USP24: variants seen among roughly 807,000 people sequenced by gnomAD.
The protein encoded by USP24 is ubiquitin specific peptidase 24, also known as ubiquitin carboxyl-terminal hydrolase 24.
In USP24, 97 loss-of-function variants were observed where a neutral mutation model predicts 361.6. The observed-to-expected ratio is 0.27, with a 90% CI of 0.23 to 0.32. The LOEUF (loss-of-function observed/expected upper bound fraction) is 0.32. USP24 is among the 10% of genes least tolerant of loss of function. USP24 has a pLI of 1.00. For synonymous variants in USP24, 1,098 were observed against 1,124.6 expected, an observed-to-expected ratio of 0.98 and a Z score of 0.47; for missense variants, 2,353 against 3,165.6, an observed-to-expected ratio of 0.74 and a Z score of 6.16.
intron 55 of USP24, among the ~76,000 whole-genome samples, chr1:55,087,449 T>C (rs1406779813): frequency 2.0e-5 from 3 of 152,242 alleles, no homozygotes; most frequent in Non-Finnish European, 4.4e-5. Flanking sequence ...ATATTTGCCA[T>C]GTTCCTTCCA....
chr1:55,201,600 C>CAAAAAAAAAAA (rs56659823), intron 1 of USP24, among the ~76,000 whole-genome samples: 2 of 35,460 alleles, frequency 5.6e-5, no homozygotes, highest in Admixed American at 4.7e-4. Context: ...GACTCCATCT[C>CAAAAAAAAAAA]AAAAAAAAAA....
chr1:55,182,145 G>A (rs376101433), intron 1 of USP24, among the ~76,000 whole-genome samples: 41 of 152,302 alleles, frequency 2.7e-4, no homozygotes, highest in South Asian at 1.0e-3. Flanking sequence ...TCCGCTTCCC[G>A]GGTTCAAGCG....
intron 1 of USP24, among the ~76,000 whole-genome samples, chr1:55,185,407 A>G (rs56364118): frequency 0.014 from 2,192 of 151,948 alleles, 65 homozygotes; most frequent in African/African-American, 0.051. Context: ...GAGTAGAAAT[A>G]AATAAATTTA....
chr1:55,184,354 G>T (rs1165644174), intron 1 of USP24, among the ~76,000 whole-genome samples: 1 of 152,124 alleles, frequency 6.6e-6, no homozygotes, highest in Non-Finnish European at 1.5e-5. Context: ...ACCACACCCA[G>T]CCAGGAAAGG....
chr1:55,157,235 T>G, intron 11 of USP24, 21 bp downstream of exon 11: 1 of 1,536,738 alleles, frequency 6.5e-7, no homozygotes, highest in Non-Finnish European at 8.9e-7. Context: ...TAGGTAATTT[T>G]TATTTTTGAA....
intron 28 of USP24, 107 bp from the exon 29 acceptor site, chr1:55,134,520 C>A: frequency 2.1e-6 from 2 of 961,438 alleles, no homozygotes; most frequent in South Asian, 1.5e-5. Context: ...GCTGGCTGGT[C>A]ACTGTAAAGC....
At chr1:55,122,644 T>C (rs1018689261) in intron 36 of USP24, among the ~76,000 whole-genome samples, 4 of 151,896 alleles carry the variant, frequency 2.6e-5, no homozygotes, top group Non-Finnish European at 4.4e-5. Flanking sequence ...AAAGGGGTGT[T>C]AAGGGGTAGA....
rs532936025 is a variant in USP24, at chr1:55,214,513, T to C, written c.324+277A>G. 1.6e-4 allele frequency among the ~76,000 whole-genome samples: 25 copies of C among 152,018 alleles called. No individual in the cohort carries two copies. The South Asian group carries it at 4.4e-3, about 27-fold the overall frequency. Reference sequence around the variant, plus strand: ...TCGTCGGCGTGCATAGCCGGAAGCCTAAGGGACCCCTCCTCACCCCAACCC... The same window carrying C: ...TCGTCGGCGTGCATAGCCGGAAGCCCAAGGGACCCCTCCTCACCCCAACCC... On this transcript the variant is annotated intron_variant, in intron 1 of 67. Coordinates refer to ENST00000294383, the MANE Select transcript of USP24 (RefSeq NM_015306.3).
At position 55,184,081 on chromosome 1, in the gene USP24, G is replaced by A. The variant is rs1214725975; in HGVS notation, c.325-5949C>T. 3.3e-5 allele frequency among the ~76,000 whole-genome samples: 5 copies of A among 152,116 alleles called. No homozygotes were observed. The South Asian group carries it at 8.3e-4, about 25-fold the overall frequency. On this transcript the variant is annotated intron_variant, in intron 1 of 67. Transcript: ENST00000294383. Reference sequence around the variant, plus strand: ...CTGTTTTGGGGGTTTTTTTGAGACAGGGTCTGGCTCTGTCACCCAGGCTGG... The same window carrying A: ...CTGTTTTGGGGGTTTTTTTGAGACAAGGTCTGGCTCTGTCACCCAGGCTGG...
intron 1 of USP24, among the ~76,000 whole-genome samples, chr1:55,194,752 G>A (rs542695482): frequency 2.6e-5 from 4 of 151,986 alleles, no homozygotes; most frequent in South Asian, 2.1e-4. Flanking sequence ...CAAAGAACTC[G>A]GTTTCTGACT....
At chr1:55,202,501 T>C (rs1348255394) in intron 1 of USP24, among the ~76,000 whole-genome samples, 7 of 151,844 alleles carry the variant, frequency 4.6e-5, no homozygotes, top group African/African-American at 1.7e-4. Context: ...GCCTCCCAGG[T>C]TCAAGCAATT....
At chr1:55,210,970 G>C (rs998434291) in intron 1 of USP24, among the ~76,000 whole-genome samples, 3 of 152,100 alleles carry the variant, frequency 2.0e-5, no homozygotes, top group Admixed American at 2.0e-4. Context: ...AATGAATAAG[G>C]TATTCATTAT....
intron 61 of USP24, 132 bp from the exon 62 acceptor site, chr1:55,077,432 C>G: frequency 1.7e-6 from 1 of 601,112 alleles, no homozygotes. Flanking sequence ...GCTTTCTAGG[C>G]CTTAGTTTCT....
chr1:55,175,584 T>C (rs1420656883), intron 3 of USP24, among the ~76,000 whole-genome samples: 1 of 152,186 alleles, frequency 6.6e-6, no homozygotes, highest in East Asian at 1.9e-4. Context: ...GTGACTTATT[T>C]ACATATTGGA....
intron 10 of USP24, among the ~76,000 whole-genome samples, chr1:55,158,064 T>G (rs1163650799): frequency 2.0e-5 from 3 of 152,224 alleles, no homozygotes; most frequent in Non-Finnish European, 4.4e-5. Flanking sequence ...TCGGATCTAT[T>G]CATTGTCTTG....
intron 43 of USP24, 60 bp from the exon 44 acceptor site, chr1:55,101,024 G>C: frequency 1.9e-6 from 3 of 1,576,582 alleles, no homozygotes; most frequent in African/African-American, 1.4e-5. Flanking sequence ...AGGAAACTCT[G>C]ACATATGTAC....
chr1:55,102,601 T>C (rs966086994), intron 42 of USP24, among the ~76,000 whole-genome samples: 2 of 152,162 alleles, frequency 1.3e-5, no homozygotes, highest in African/African-American at 4.8e-5. Flanking sequence ...TTACTTACTC[T>C]TCATTAACAT....
At chr1:55,154,626 A>C (rs747484840) in intron 13 of USP24, 45 bp downstream of exon 13, 2 of 1,574,434 alleles carry the variant, frequency 1.3e-6, no homozygotes, top group Admixed American at 3.5e-5. Flanking sequence ...AAAAGAGCTT[A>C]TTTTAAGAAA....
intron 5 of USP24, among the ~76,000 whole-genome samples, chr1:55,169,040 A>T (rs529601971): frequency 6.6e-6 from 1 of 152,322 alleles, no homozygotes; most frequent in African/African-American, 2.4e-5. Context: ...AGACTTGTAA[A>T]TATCAGGCAC....
Sources: allele counts gnomAD v4.1 joint callset (sites outside exome capture counted in the v4.1 genomes callset), GRCh38; gene constraint gnomAD v4.1.1; transcripts MANE v1.5; gene names NCBI Gene and HGNC (gene_info 2026-07-23, HGNC 2026-07-21).